HTT: variants seen among roughly 807,000 people sequenced by gnomAD.
HTT encodes the protein huntingtin, also known as huntington disease protein.
Under a neutral mutation model 362.3 loss-of-function variants are expected in HTT, and 104 were observed. That is an observed-to-expected ratio of 0.29 (90% CI 0.24 to 0.34). The LOEUF (loss-of-function observed/expected upper bound fraction) is 0.34. Among genes scored for constraint, HTT ranks in the 10% least tolerant of loss-of-function variants. The pLI, the probability that HTT is intolerant of heterozygous loss-of-function variation, is 1.00. For missense variants in HTT, 3,301 were observed against 3,928.6 expected, an observed-to-expected ratio of 0.84 and a Z score of 4.27; for synonymous variants, 1,577 against 1,548.7, an observed-to-expected ratio of 1.02 and a Z score of -0.43.
At chr4:3,172,028 G>A (rs543213646) in intron 29 of HTT, among the ~76,000 whole-genome samples, 4 of 152,118 alleles carry the variant, frequency 2.6e-5, no homozygotes, top group African/African-American at 4.8e-5. Context: ...CCTGCCCTGC[G>A]AACAGGACTG....
At chr4:3,138,282 G>GGTTA (rs531103017) in intron 21 of HTT, among the ~76,000 whole-genome samples, 85 of 151,688 alleles carry the variant, frequency 5.6e-4, no homozygotes, top group Middle Eastern at 3.4e-3. Flanking sequence ...AGTGGTTTTT[G>GGTTA]GTTACATGGC....
At position 3,236,196 on chromosome 4, in the gene HTT, G is replaced by GC; in HGVS notation, c.8838dup (p.Asp2947ArgfsTer17). The GC allele has an allele frequency of 6.2e-7, 1 of 1,614,210 alleles. No individual in the cohort carries two copies. The highest frequency in any genetic ancestry group is 8.5e-7 in the Non-Finnish European group (1 of 1,180,006). ...TAGAACTTCAGACCCTAATCCTGCA[G>GC]CCCCCGACAGCGAGTCAGTGATTGT... On this transcript the variant is annotated frameshift_variant, in exon 64 of 67. Coordinates refer to ENST00000355072, the MANE Select transcript of HTT (RefSeq NM_001388492.1). LOFTEE classifies it high-confidence loss of function.
In HTT at chr4:3,116,020, A is replaced by G. The variant is rs527840766; in HGVS notation, c.890-65A>G. The G allele has an allele frequency of 7.3e-5, 104 of 1,427,750 alleles. 1 individual carries two copies. In the East Asian group the frequency reaches 1.4e-3, roughly 19 times the overall value. The allele number at this position is 1,427,750 out of a possible 1,614,324, so 88.4% of individuals were successfully genotyped here. On this transcript the variant is annotated intron_variant, in intron 7 of 66. Transcript: ENST00000355072. ...CTCTCAGGATCTCTTCTTTTTTAAC[A>G]GATTAAGCCGGGAATCTCCAAACAG...
At chr4:3,217,015 A>T (rs1182910746) in intron 51 of HTT, among the ~76,000 whole-genome samples, 1 of 148,404 alleles carries the variant, frequency 6.7e-6, no homozygotes, top group Non-Finnish European at 1.5e-5. Context: ...ACAGAGCAAG[A>T]CTCCGTCTCA....
At chr4:3,078,281 G>C (rs2110132987) in intron 1 of HTT, among the ~76,000 whole-genome samples, 1 of 152,336 alleles carries the variant, frequency 6.6e-6, no homozygotes. Flanking sequence ...CACTGTTATA[G>C]GTGCAGGGCT....
rs560545353 is a variant in HTT, at chr4:3,115,155, G to C, written c.748-149G>C. The C allele has an allele frequency of 1.5e-5, 11 of 736,086 alleles. No individual in the cohort carries two copies. The South Asian group carries it at 2.0e-4, about 13-fold the overall frequency. 45.6% of individuals were successfully genotyped at this position (736,086 alleles called of 1,614,324 possible). On this transcript the variant is annotated intron_variant, in intron 6 of 66. Coordinates refer to ENST00000355072, the MANE Select transcript of HTT (RefSeq NM_001388492.1). The stretch of plus-strand genomic sequence containing the variant: ...ACTGCTCTTGAGTGTCCCAAATTTG[G>C]GGTACTTCAGTTCAGCTGTAGGAAA...
At chr4:3,109,288 G>A (rs921281700) in intron 6 of HTT, among the ~76,000 whole-genome samples, 19 of 151,762 alleles carry the variant, frequency 1.3e-4, no homozygotes, top group Middle Eastern at 6.8e-3. Context: ...GTGCAATGAC[G>A]CAATCTTGGC....
intron 41 of HTT, among the ~76,000 whole-genome samples, chr4:3,201,349 T>C (rs1406928556): frequency 6.6e-6 from 1 of 152,048 alleles, no homozygotes; most frequent in Non-Finnish European, 1.5e-5. Flanking sequence ...GCCAACATGA[T>C]GAAATGCTGT....
intron 21 of HTT, among the ~76,000 whole-genome samples, chr4:3,139,854 C>T (rs1716255162): frequency 6.7e-6 from 1 of 149,408 alleles, no homozygotes; most frequent in African/African-American, 2.5e-5. Context: ...CACTGTTCAG[C>T]ACTTGTTGAT....
At position 3,074,966 on chromosome 4, in the gene HTT, G is replaced by T. The variant is rs9993367; in HGVS notation, c.141G>T (p.Pro47=). ...CGCCACCGCCGCCGCCGCCGCCGCC[G>T]CCTCCTCAGCTTCCTCAGCCGCCGC... ...QQPPPPPPPP[P]PPQLPQPPPQ... The change falls in exon 1 of 67, where the codon CCG becomes CCT. Residue 47 remains proline (P), a synonymous_variant. Coordinates refer to ENST00000355072, the MANE Select transcript of HTT (RefSeq NM_001388492.1). 8,525 of 1,446,350 alleles carry T rather than the reference G, an allele frequency of 5.9e-3. 148 individuals carry two copies. The African/African-American group carries it at 0.06, about 10-fold the overall frequency. The allele number at this position is 1,446,350 out of a possible 1,614,324, so 89.6% of individuals were successfully genotyped here.
intron 16 of HTT, 124 bp from the exon 17 acceptor site, chr4:3,132,438 C>T: frequency 1.3e-6 from 1 of 750,158 alleles, no homozygotes; most frequent in South Asian, 2.0e-5. Context: ...ATAGTGAAGT[C>T]ATTTCTGAAT....
At chr4:3,114,676 C>G (rs368157364) in intron 6 of HTT, among the ~76,000 whole-genome samples, 1 of 152,144 alleles carries the variant, frequency 6.6e-6, no homozygotes, top group African/African-American at 2.4e-5. Flanking sequence ...CAAGATAATG[C>G]GACTAGCTGG....
At chr4:3,156,985 A>T (rs924019251) in intron 27 of HTT, 87 bp from the exon 28 acceptor site, 1 of 1,136,072 alleles carries the variant, frequency 8.8e-7, no homozygotes, top group Non-Finnish European at 1.3e-6. Context: ...AGAATACTTT[A>T]AAAAATCATG....
At chr4:3,169,296 G>A (rs1034871006) in intron 29 of HTT, among the ~76,000 whole-genome samples, 1 of 152,134 alleles carries the variant, frequency 6.6e-6, no homozygotes, top group Non-Finnish European at 1.5e-5. Context: ...GGGATTACAG[G>A]CGTGAGCCAC....
chr4:3,177,816 T>C (rs1718304896), intron 34 of HTT, among the ~76,000 whole-genome samples: 1 of 152,256 alleles, frequency 6.6e-6, no homozygotes, highest in South Asian at 2.1e-4. Flanking sequence ...CATTACAGGT[T>C]TATAATTATT....
At position 3,240,214 on chromosome 4, in the gene HTT, G is replaced by A. The variant is rs904565541; in HGVS notation, c.*155G>A. ...GCAACGTGCGTGTCTCTGCCATGTG[G>A]CAGAAGTGCTCTTTGTGGCAGTGGC... On this transcript the variant is annotated 3_prime_UTR_variant, in exon 67 of 67. Coordinates refer to ENST00000355072, the MANE Select transcript of HTT (RefSeq NM_001388492.1). The A allele has an allele frequency of 6.2e-6, 4 of 642,788 alleles. No homozygotes were observed. Among genetic ancestry groups the A allele is most frequent in the Non-Finnish European group, 1.1e-5 (4 of 368,530 alleles). The allele number at this position is 642,788 out of a possible 1,614,324, so 39.8% of individuals were successfully genotyped here.
Position 3,187,669 on chromosome 4 carries a change from C to T in HTT, c.5008C>T (p.Gln1670Ter). The change falls in exon 39 of 67, where the codon CAA becomes TAA. Residue 1670 changes from glutamine to a stop codon, truncating the protein, a stop_gained. Coordinates refer to ENST00000355072, the MANE Select transcript of HTT (RefSeq NM_001388492.1). LOFTEE classifies it high-confidence loss of function. ...PNTMASVSTV[Q>*]LWISGILAIL... Reference sequence around the variant, plus strand: ...ATTTTAGGCGTCCGTGAGCACTGTTCAACTGTGGATATCGGGAATTCTGGC... The same window carrying T: ...ATTTTAGGCGTCCGTGAGCACTGTTTAACTGTGGATATCGGGAATTCTGGC... 6.2e-7 allele frequency: 1 copy of T among 1,613,694 alleles called. No individual in the cohort carries two copies. The highest frequency in any genetic ancestry group is 8.5e-7 in the Non-Finnish European group (1 of 1,179,606).
intron 30 of HTT, 117 bp downstream of exon 30, chr4:3,172,514 C>T (rs1718038118): frequency 5.1e-6 from 4 of 778,822 alleles, no homozygotes; most frequent in Middle Eastern, 2.3e-4. Flanking sequence ...TTGTGGGGTC[C>T]AGCGCAGCAC....
At position 3,102,107 on chromosome 4, in the gene HTT, G is replaced by A. The variant is rs972764776; in HGVS notation, c.469-1717G>A. On this transcript the variant is annotated intron_variant, in intron 3 of 66. Coordinates refer to ENST00000355072, the MANE Select transcript of HTT (RefSeq NM_001388492.1). ...TGTATCATTTAGGAAGAGTGACCCG[G>A]TGAGGACGTGGGGTAGAGGAGGACA... 2.6e-5 allele frequency among the ~76,000 whole-genome samples: 4 copies of A among 152,178 alleles called. No homozygotes were observed. The East Asian group carries it at 5.8e-4, about 22-fold the overall frequency.
Sources: allele counts gnomAD v4.1 joint callset (sites outside exome capture counted in the v4.1 genomes callset), GRCh38; gene constraint gnomAD v4.1.1; transcripts MANE v1.5; gene names NCBI Gene and HGNC (gene_info 2026-07-23, HGNC 2026-07-21).